The following ACBD6 variants were observed in gnomAD, a reference collection of about 807,000 sequenced individuals.
ACBD6 encodes acyl-CoA-binding domain-containing protein 6.
In ACBD6, 28 loss-of-function variants were observed where a neutral mutation model predicts 37.2. The ratio of observed to expected loss-of-function variants is 0.75; its 90% CI spans 0.56 to 1.03. The LOEUF is 1.03. Among genes scored for constraint, ACBD6 ranks in the 50% least tolerant of loss-of-function variants. The pLI is 0.00. For synonymous variants in ACBD6, 113 were observed against 126.8 expected (o/e 0.89, Z 0.73); for missense variants, 340 against 337.4 (o/e 1.01, Z -0.06).
chr1:180,335,911 A>G (rs1400353444), intron 6 of ACBD6, among the ~76,000 whole-genome samples: 10 of 148,116 alleles, frequency 6.8e-5, no homozygotes, highest in Non-Finnish European at 3.0e-5. Flanking sequence ...AAAAGAGACA[A>G]AGAAGGCCAT....
intron 3 of ACBD6, among the ~76,000 whole-genome samples, chr1:180,455,494 C>T (rs1649880316): frequency 1.3e-5 from 2 of 151,900 alleles, no homozygotes. Flanking sequence ...ACGTTCTGCA[C>T]ATGTATCCCA....
chr1:180,330,071 C>A (rs926664783), intron 6 of ACBD6, among the ~76,000 whole-genome samples: 1 of 152,050 alleles, frequency 6.6e-6, no homozygotes, highest in Admixed American at 6.6e-5. Flanking sequence ...GGACTTGATT[C>A]TCTGGACGTC....
chr1:180,488,934 C>T (rs946784405), intron 3 of ACBD6, among the ~76,000 whole-genome samples: 5 of 152,100 alleles, frequency 3.3e-5, no homozygotes, highest in East Asian at 3.8e-4. Context: ...TGAATTTCCT[C>T]GTTTTTGAAA....
intron 3 of ACBD6, among the ~76,000 whole-genome samples, chr1:180,478,150 A>G (rs1377281740): frequency 6.6e-6 from 1 of 152,112 alleles, no homozygotes; most frequent in Non-Finnish European, 1.5e-5. Flanking sequence ...CCAAAAGTAC[A>G]TCATTTTGGG....
intron 6 of ACBD6, among the ~76,000 whole-genome samples, chr1:180,355,663 T>C (rs1652597640): frequency 6.6e-6 from 1 of 152,212 alleles, no homozygotes; most frequent in African/African-American, 2.4e-5. Flanking sequence ...TAATGAACTC[T>C]ATCCAGGCCC....
intron 3 of ACBD6, among the ~76,000 whole-genome samples, chr1:180,477,347 C>T (rs1386637989): frequency 1.3e-5 from 2 of 152,130 alleles, no homozygotes; most frequent in East Asian, 3.8e-4. Context: ...AACACATACA[C>T]ACATATAAGA....
intron 6 of ACBD6, among the ~76,000 whole-genome samples, chr1:180,368,501 T>C (rs369941917): frequency 1.3e-5 from 2 of 152,006 alleles, no homozygotes; most frequent in African/African-American, 4.8e-5. Context: ...AGGGTTATAA[T>C]AGTTTTGGGT....
intron 6 of ACBD6, among the ~76,000 whole-genome samples, chr1:180,337,548 T>C (rs555410071): frequency 1.4e-4 from 21 of 152,302 alleles, no homozygotes; most frequent in Non-Finnish European, 2.9e-4. Context: ...GCCAATATCA[T>C]ACTGAATGGG....
At chr1:180,425,071 A>G (rs1315050371) in intron 4 of ACBD6, among the ~76,000 whole-genome samples, 1 of 152,206 alleles carries the variant, frequency 6.6e-6, no homozygotes, top group Non-Finnish European at 1.5e-5. Flanking sequence ...GGAAAAGCTC[A>G]TTAACTAAAC....
chr1:180,472,340 G>C (rs1322592561), intron 3 of ACBD6, among the ~76,000 whole-genome samples: 2 of 152,206 alleles, frequency 1.3e-5, no homozygotes, highest in Non-Finnish European at 2.9e-5. Context: ...AACAAGAATG[G>C]CTCAGAGTAT....
At chr1:180,427,399 G>A (rs570300795) in intron 4 of ACBD6, among the ~76,000 whole-genome samples, 2 of 152,088 alleles carry the variant, frequency 1.3e-5, no homozygotes, top group South Asian at 2.1e-4. Flanking sequence ...TGTCACTTTC[G>A]CCTCAGTTAA....
chr1:180,480,848 T>C lies in ACBD6; in HGVS notation c.384+11421A>G, dbSNP rs1383152230. 2.2e-4 allele frequency among the ~76,000 whole-genome samples: 34 copies of C among 152,030 alleles called. 1 individual carries two copies. The highest frequency in any genetic ancestry group is 2.2e-3 in the Admixed American group (34 of 15,266). ...GAGTTCGAGACCAGCCTAACCGACA[T>C]GGTGAGGCCTTGTCTCTACTGAAAA... is the stretch of plus-strand genomic sequence containing the variant. On this transcript the variant is annotated intron_variant, in intron 3 of 7. Coordinates refer to ENST00000367595, the MANE Select transcript of ACBD6 (RefSeq NM_032360.4).
At chr1:180,403,766 A>G (rs1647488289) in intron 5 of ACBD6, among the ~76,000 whole-genome samples, 1 of 152,224 alleles carries the variant, frequency 6.6e-6, no homozygotes, top group Admixed American at 6.5e-5. Context: ...AAACTGACAC[A>G]TGCTACAACA....
chr1:180,452,705 G>C (rs1571530498), intron 3 of ACBD6, among the ~76,000 whole-genome samples: 2 of 144,020 alleles, frequency 1.4e-5, no homozygotes, highest in African/African-American at 5.0e-5. Flanking sequence ...AGATTCAATA[G>C]ACACAACAAA....
At chr1:180,442,241 T>C (rs1316289153) in intron 3 of ACBD6, among the ~76,000 whole-genome samples, 1 of 152,210 alleles carries the variant, frequency 6.6e-6, no homozygotes, top group African/African-American at 2.4e-5. Flanking sequence ...ATGGGGTTCA[T>C]TGAGCTTCTT....
At chr1:180,493,745 C>T (rs1651619238) in intron 2 of ACBD6, among the ~76,000 whole-genome samples, 1 of 150,770 alleles carries the variant, frequency 6.6e-6, no homozygotes, top group Non-Finnish European at 1.5e-5. Flanking sequence ...GCTTTCTTCT[C>T]CCACACCAGG....
intron 7 of ACBD6, among the ~76,000 whole-genome samples, chr1:180,293,744 G>GA (rs1027618003): frequency 6.6e-5 from 10 of 150,686 alleles, no homozygotes; most frequent in Admixed American, 1.3e-4. Flanking sequence ...TTTTATTTTT[G>GA]TTTTTTTTTA....
chr1:180,313,824 C>G (rs567846323), intron 7 of ACBD6, among the ~76,000 whole-genome samples: 1 of 152,194 alleles, frequency 6.6e-6, no homozygotes, highest in Non-Finnish European at 1.5e-5. Flanking sequence ...ACCACTGCGC[C>G]CAACTCTACA....
chr1:180,473,506 C>A, intron 3 of ACBD6, among the ~76,000 whole-genome samples: 1 of 149,974 alleles, frequency 6.7e-6, no homozygotes, highest in Non-Finnish European at 1.5e-5. Flanking sequence ...GAGGGGAGGG[C>A]GATGGGGAAA....
Sources: allele counts gnomAD v4.1 joint callset (sites outside exome capture counted in the v4.1 genomes callset), GRCh38; gene constraint gnomAD v4.1.1; transcripts MANE v1.5; gene names NCBI Gene and HGNC (gene_info 2026-07-23, HGNC 2026-07-21).